NALCN: variants seen among roughly 807,000 people sequenced by gnomAD.
NALCN encodes sodium leak channel NALCN.
In NALCN, 111 loss-of-function variants were observed where a neutral mutation model predicts 225.3. The ratio of observed to expected loss-of-function variants is 0.49; its 90% confidence interval spans 0.42 to 0.58. NALCN has a LOEUF of 0.58. Ranked by LOEUF, NALCN falls within the 20% of genes least tolerant of loss-of-function variation. The pLI is 0.00. For missense variants in NALCN, 1,378 were observed against 2,202.4 expected, an observed-to-expected ratio of 0.63 and a Z score of 7.49; for synonymous variants, 764 against 769.0, an observed-to-expected ratio of 0.99 and a Z score of 0.11.
chr13:101,165,023 C>T (rs1363734043), intron 15 of NALCN, among the ~76,000 whole-genome samples: 2 of 152,152 alleles, frequency 1.3e-5, no homozygotes, highest in African/African-American at 2.4e-5. Context: ...AGGGTACGGT[C>T]CTCTCGCTCC....
chr13:101,072,524 T>C (rs959242137), intron 37 of NALCN, among the ~76,000 whole-genome samples: 1 of 152,246 alleles, frequency 6.6e-6, no homozygotes, highest in African/African-American at 2.4e-5. Context: ...CTCTCTTCTA[T>C]AATCCCAGCA....
At chr13:101,340,372 C>T (rs1158744535) in intron 7 of NALCN, among the ~76,000 whole-genome samples, 2 of 152,190 alleles carry the variant, frequency 1.3e-5, no homozygotes, top group African/African-American at 4.8e-5. Flanking sequence ...CAAAGGGAAT[C>T]ATATCAGATG....
chr13:101,323,157 T>C (rs1274477377), intron 7 of NALCN, among the ~76,000 whole-genome samples: 2 of 152,216 alleles, frequency 1.3e-5, no homozygotes, highest in Non-Finnish European at 2.9e-5. Context: ...TTATTTCACA[T>C]ATGTATACTT....
chr13:101,098,538 A>G (rs2034637146), intron 27 of NALCN, among the ~76,000 whole-genome samples: 1 of 152,204 alleles, frequency 6.6e-6, no homozygotes, highest in African/African-American at 2.4e-5. Flanking sequence ...TTTTAAGACA[A>G]CAAACAAAGG....
In NALCN at chr13:101,272,720, G is replaced by A. The variant is rs150667486; in HGVS notation, c.1134+11213C>T. Among the ~76,000 whole-genome samples, 790 of 152,312 alleles carry A rather than the reference G, an allele frequency of 5.2e-3. 10 individuals are homozygous for A. The highest frequency in any genetic ancestry group is 0.018 in the African/African-American group (768 of 41,570). ...TTTCTGGAAATGCAGGGAAAACCTA[G>A]TTTCTTTGTGGGAATGGGCTGGGGA... On this transcript the variant is annotated intron_variant, in intron 10 of 43. Coordinates refer to ENST00000251127, the MANE Select transcript of NALCN (RefSeq NM_052867.4).
At chr13:101,279,587 C>T (rs1002755491) in intron 10 of NALCN, among the ~76,000 whole-genome samples, 5 of 151,714 alleles carry the variant, frequency 3.3e-5, no homozygotes, top group Non-Finnish European at 5.9e-5. Flanking sequence ...GAGGCCGAGG[C>T]GGGCGGATCA....
chr13:101,066,499 T>C (rs1365855323), intron 39 of NALCN, among the ~76,000 whole-genome samples: 3 of 151,912 alleles, frequency 2.0e-5, no homozygotes, highest in Non-Finnish European at 4.4e-5. Flanking sequence ...GCTGTATCTT[T>C]GAATGAAAGT....
intron 15 of NALCN, among the ~76,000 whole-genome samples, chr13:101,164,246 A>G (rs2038332969): frequency 6.6e-6 from 1 of 151,734 alleles, no homozygotes; most frequent in Non-Finnish European, 1.5e-5. Context: ...TCTCCCACCT[A>G]TACTTATTTG....
At chr13:101,205,637 T>C (rs1048316712) in intron 13 of NALCN, among the ~76,000 whole-genome samples, 10 of 152,130 alleles carry the variant, frequency 6.6e-5, no homozygotes, top group African/African-American at 2.4e-4. Context: ...GACTTTTGAA[T>C]TAATGCTCTT....
intron 15 of NALCN, among the ~76,000 whole-genome samples, chr13:101,153,629 T>TC (rs1311074712): frequency 4.6e-5 from 7 of 152,194 alleles, no homozygotes; most frequent in South Asian, 2.1e-4. Context: ...GTCTCAGGTG[T>TC]CCCCCCCTGC....
At chr13:101,238,468 A>C (rs1175349624) in intron 11 of NALCN, among the ~76,000 whole-genome samples, 1 of 151,970 alleles carries the variant, frequency 6.6e-6, no homozygotes, top group Admixed American at 6.6e-5. Flanking sequence ...TGTTACTTTA[A>C]TATTAATAAA....
intron 13 of NALCN, among the ~76,000 whole-genome samples, chr13:101,211,666 A>ATATC (rs1555313547): frequency 6.7e-6 from 1 of 150,274 alleles, no homozygotes; most frequent in African/African-American, 2.5e-5. Context: ...ATATATATAT[A>ATATC]TATCTCATGG....
At chr13:101,263,193 C>T (rs968054159) in intron 10 of NALCN, among the ~76,000 whole-genome samples, 7 of 152,102 alleles carry the variant, frequency 4.6e-5, no homozygotes, top group African/African-American at 1.2e-4. Context: ...GATGCATATC[C>T]GTTTCCCTTT....
intron 17 of NALCN, among the ~76,000 whole-genome samples, chr13:101,126,054 C>A (rs192301917): frequency 3.3e-5 from 5 of 152,238 alleles, no homozygotes; most frequent in Non-Finnish European, 7.4e-5. Flanking sequence ...CTCACAGCAC[C>A]CCATTCTACA....
chr13:101,214,981 G>T (rs1454661261), intron 13 of NALCN, among the ~76,000 whole-genome samples: 2 of 152,086 alleles, frequency 1.3e-5, no homozygotes, highest in Non-Finnish European at 2.9e-5. Flanking sequence ...TCAATAAATG[G>T]TACTGTGGCA....
At chr13:101,160,946 G>C (rs891785160) in intron 15 of NALCN, among the ~76,000 whole-genome samples, 1 of 152,200 alleles carries the variant, frequency 6.6e-6, no homozygotes, top group Admixed American at 6.5e-5. Flanking sequence ...AAATACACAA[G>C]GAGGAAAACA....
At chr13:101,307,166 G>A (rs1279619704) in intron 7 of NALCN, among the ~76,000 whole-genome samples, 9 of 152,140 alleles carry the variant, frequency 5.9e-5, no homozygotes, top group Admixed American at 5.9e-4. Context: ...GCCCCTCTTT[G>A]TCGCTTGGAG....
At chr13:101,116,723 G>A in intron 18 of NALCN, 3 of 368,694 alleles carry the variant, frequency 8.1e-6, no homozygotes, top group Non-Finnish European at 1.6e-5. Flanking sequence ...ACTTTGCAGA[G>A]CATTACATTT....
intron 22 of NALCN, among the ~76,000 whole-genome samples, chr13:101,105,935 A>G (rs769074425): frequency 3.9e-5 from 6 of 152,158 alleles, no homozygotes; most frequent in Non-Finnish European, 8.8e-5. Context: ...AAATGTTATA[A>G]TAGTGTGTAT....
Sources: gnomAD v4.1 joint callset for allele counts (sites outside exome capture counted in the v4.1 genomes callset) on GRCh38, gnomAD v4.1.1 for gene constraint, MANE v1.5 for transcripts, NCBI Gene and HGNC (gene_info 2026-07-23, HGNC 2026-07-21) for gene names.